TXK: variants seen among roughly 807,000 people sequenced by gnomAD.
The protein encoded by TXK is TXK tyrosine kinase.
A neutral mutation model predicts 81.0 loss-of-function variants in TXK; 60 were observed. The ratio of observed to expected loss-of-function variants is 0.74; its 90% confidence interval spans 0.60 to 0.92. TXK has a LOEUF of 0.92. Among genes scored for constraint, TXK ranks in the 40% least tolerant of loss-of-function variants. The pLI, the probability that TXK is intolerant of heterozygous loss-of-function variation, is 0.00. For synonymous variants in TXK, 203 were observed against 210.7 expected (o/e 0.96, Z 0.32); for missense variants, 581 against 638.3 (o/e 0.91, Z 0.97).
chr4:48,128,753 G>C (rs1719161210), intron 1 of TXK, among the ~76,000 whole-genome samples: 1 of 151,622 alleles, frequency 6.6e-6, no homozygotes, highest in South Asian at 2.1e-4. Context: ...ATTTTTAGTA[G>C]AGACGGGGTT....
chr4:48,098,582 C>T (rs552832868), intron 6 of TXK, among the ~76,000 whole-genome samples: 2 of 151,450 alleles, frequency 1.3e-5, no homozygotes, highest in Non-Finnish European at 2.9e-5. Context: ...AATAGGAATG[C>T]GTGTGTACTT....
At chr4:48,072,127 C>T (rs1383205619) in intron 13 of TXK, among the ~76,000 whole-genome samples, 5 of 152,000 alleles carry the variant, frequency 3.3e-5, no homozygotes, top group African/African-American at 1.2e-4. Context: ...CTTCAGCCTC[C>T]TGAGTTGCTG....
intron 6 of TXK, among the ~76,000 whole-genome samples, chr4:48,104,203 A>T (rs1718309029): frequency 3.6e-5 from 1 of 27,704 alleles, no homozygotes; most frequent in Non-Finnish European, 5.5e-5. Context: ...AGCATGTCTC[A>T]AAATATATAT....
At chr4:48,095,822 T>C (rs764063318) in intron 6 of TXK, among the ~76,000 whole-genome samples, 48 of 152,246 alleles carry the variant, frequency 3.2e-4, no homozygotes, top group Non-Finnish European at 5.1e-4. Flanking sequence ...AGTTATGTTA[T>C]AAATTAGATT....
chr4:48,077,530 C>T (rs1386512900), intron 11 of TXK, among the ~76,000 whole-genome samples: 1 of 130,534 alleles, frequency 7.7e-6, no homozygotes, highest in Non-Finnish European at 1.7e-5. Flanking sequence ...AAAAAAAAAA[C>T]AGGAATAGGA....
At chr4:48,084,290 C>T (rs139884523) in intron 10 of TXK, among the ~76,000 whole-genome samples, 98 of 151,468 alleles carry the variant, frequency 6.5e-4, no homozygotes, top group East Asian at 1.9e-3. Context: ...GACAGGGTTT[C>T]GCCATGTTAC....
intron 1 of TXK, 27 bp downstream of exon 1, chr4:48,134,128 A>G (rs1339252273): frequency 1.2e-6 from 2 of 1,612,470 alleles, no homozygotes; most frequent in Non-Finnish European, 1.7e-6. Flanking sequence ...AGCCCCAAAA[A>G]TAAATGACAA....
intron 4 of TXK, among the ~76,000 whole-genome samples, chr4:48,110,813 T>A (rs1718611062): frequency 6.6e-6 from 1 of 152,200 alleles, no homozygotes; most frequent in Non-Finnish European, 1.5e-5. Context: ...ACTTGTAATG[T>A]GAGTAGTTTA....
At chr4:48,091,150 C>A (rs931959641) in intron 8 of TXK, among the ~76,000 whole-genome samples, 1 of 152,108 alleles carries the variant, frequency 6.6e-6, no homozygotes, top group Non-Finnish European at 1.5e-5. Flanking sequence ...ATATAGGGTG[C>A]CTTGGGATGT....
chr4:48,128,567 T>TA (rs1459951669), intron 1 of TXK, among the ~76,000 whole-genome samples: 1 of 138,230 alleles, frequency 7.2e-6, no homozygotes, highest in Non-Finnish European at 1.6e-5. Context: ...CATCCTTTTT[T>TA]TTTTTTTTTT....
chr4:48,075,962 T>C (rs905819168), intron 12 of TXK, among the ~76,000 whole-genome samples: 1 of 152,156 alleles, frequency 6.6e-6, no homozygotes, highest in Admixed American at 6.5e-5. Flanking sequence ...AAAAATATGG[T>C]TAAATTTTTC....
In TXK at chr4:48,067,439, C is replaced by A; in HGVS notation, c.*198G>T. 1 of 560,818 alleles carries A rather than the reference C, an allele frequency of 1.8e-6. No individual in the cohort carries two copies. Among genetic ancestry groups the A allele is most frequent in the Non-Finnish European group, 3.1e-6 (1 of 318,010 alleles). The allele number at this position is 560,818 out of a possible 1,614,324, so 34.7% of individuals were successfully genotyped here. The stretch of plus-strand genomic sequence containing the variant: ...ACAGAAAAATAAGAGTGTGCAAATC[C>A]CTCTCACACATAGAAAAACGATTGT... On this transcript the variant is annotated 3_prime_UTR_variant, in exon 15 of 15. Transcript: ENST00000264316.
chr4:48,128,956 A>G (rs550382659), intron 1 of TXK, among the ~76,000 whole-genome samples: 27 of 152,164 alleles, frequency 1.8e-4, no homozygotes, highest in South Asian at 4.1e-4. Flanking sequence ...AGAGTGACAC[A>G]TAACTAGCTT....
chr4:48,094,468 T>C (rs980759996), intron 7 of TXK, among the ~76,000 whole-genome samples: 18 of 152,198 alleles, frequency 1.2e-4, no homozygotes, highest in African/African-American at 4.3e-4. Flanking sequence ...TCATAATGAA[T>C]ACATGTAAGT....
intron 1 of TXK, among the ~76,000 whole-genome samples, chr4:48,122,930 G>A (rs1039582325): frequency 6.6e-6 from 1 of 152,198 alleles, no homozygotes; most frequent in Non-Finnish European, 1.5e-5. Context: ...ATGTAGTAGG[G>A]AGGCTTCATA....
At chr4:48,084,518 C>A (rs571325915) in intron 10 of TXK, among the ~76,000 whole-genome samples, 1 of 152,138 alleles carries the variant, frequency 6.6e-6, no homozygotes, top group Non-Finnish European at 1.5e-5. Flanking sequence ...TAACTTGTCT[C>A]CCATTCATTC....
At chr4:48,112,278 A>G in intron 4 of TXK, 29 bp downstream of exon 4, 1 of 1,600,500 alleles carries the variant, frequency 6.2e-7, no homozygotes, top group Non-Finnish European at 8.6e-7. Context: ...GAAGAATTGG[A>G]TACTGACTAA....
intron 1 of TXK, among the ~76,000 whole-genome samples, chr4:48,123,216 C>A (rs1389231233): frequency 6.6e-6 from 1 of 152,118 alleles, no homozygotes; most frequent in African/African-American, 2.4e-5. Flanking sequence ...CCCAGAAAAT[C>A]AAATAGGTCT....
chr4:48,068,095 A>C (rs1716679988), intron 14 of TXK, among the ~76,000 whole-genome samples: 2 of 152,240 alleles, frequency 1.3e-5, no homozygotes, highest in African/African-American at 4.8e-5. Flanking sequence ...TGGCTATTTA[A>C]ATTTAAATTC....
Sources: allele counts gnomAD v4.1 joint callset (sites outside exome capture counted in the v4.1 genomes callset), GRCh38; gene constraint gnomAD v4.1.1; transcripts MANE v1.5; gene names NCBI Gene and HGNC (gene_info 2026-07-23, HGNC 2026-07-21).